The following EPHB1 variants were observed in gnomAD, a reference collection of about 807,000 sequenced individuals.
The protein encoded by EPHB1 is EPH receptor B1.
Under a neutral mutation model 94.4 loss-of-function variants are expected in EPHB1, and 30 were observed. That is an observed-to-expected ratio of 0.32 (90% confidence interval 0.24 to 0.43). EPHB1 has a LOEUF of 0.43. Ranked by LOEUF, EPHB1 falls within the 20% of genes least tolerant of loss-of-function variation. EPHB1 has a pLI of 1.00. For missense variants in EPHB1, 1,055 were observed against 1,308.3 expected (o/e 0.81, Z 2.99); for synonymous variants, 522 against 489.1 (o/e 1.07, Z -0.89).
intron 1 of EPHB1, among the ~76,000 whole-genome samples, chr3:134,799,946 T>A (rs2035905358): frequency 1.3e-5 from 2 of 152,224 alleles, no homozygotes; most frequent in African/African-American, 4.8e-5. Context: ...CCTCTGGATC[T>A]AGCATGTGTG....
chr3:135,205,021 C>G (rs1942864738), intron 12 of EPHB1, among the ~76,000 whole-genome samples: 1 of 150,340 alleles, frequency 6.7e-6, no homozygotes, highest in South Asian at 2.1e-4. Context: ...TTTTAGATCC[C>G]ACAAATAAGT....
chr3:135,018,374 C>G (rs1399271361), intron 3 of EPHB1, among the ~76,000 whole-genome samples: 8 of 152,144 alleles, frequency 5.3e-5, no homozygotes, highest in South Asian at 2.1e-4. Flanking sequence ...TGATGCTCCT[C>G]CCACCTCCAG....
chr3:135,221,363 C>G (rs1559880352), intron 12 of EPHB1, among the ~76,000 whole-genome samples: 2 of 152,216 alleles, frequency 1.3e-5, no homozygotes, highest in Non-Finnish European at 2.9e-5. Context: ...TAGGCACCAT[C>G]ACTTAAACCT....
chr3:134,855,444 C>G (rs552713360), intron 1 of EPHB1, among the ~76,000 whole-genome samples: 4 of 152,160 alleles, frequency 2.6e-5, no homozygotes, highest in Non-Finnish European at 4.4e-5. Flanking sequence ...CACAGCCACA[C>G]TGGAAGAAAC....
chr3:134,915,915 G>T (rs868647493), intron 1 of EPHB1, among the ~76,000 whole-genome samples: 1 of 152,220 alleles, frequency 6.6e-6, no homozygotes, highest in East Asian at 1.9e-4. Flanking sequence ...GACCCGAATG[G>T]GTTGCCACTG....
chr3:134,838,459 A>G (rs1026021391), intron 1 of EPHB1, among the ~76,000 whole-genome samples: 1 of 152,136 alleles, frequency 6.6e-6, no homozygotes, highest in African/African-American at 2.4e-5. Context: ...CTCTTAGGAC[A>G]TCTCCCAAAT....
At chr3:135,192,166 C>G (rs1200664860) in intron 10 of EPHB1, among the ~76,000 whole-genome samples, 1 of 152,216 alleles carries the variant, frequency 6.6e-6, no homozygotes, top group African/African-American at 2.4e-5. Flanking sequence ...GCCAAAGTAC[C>G]TGAACATGTC....
At chr3:135,001,254 G>A (rs1445573827) in intron 3 of EPHB1, among the ~76,000 whole-genome samples, 1 of 152,150 alleles carries the variant, frequency 6.6e-6, no homozygotes, top group Non-Finnish European at 1.5e-5. Flanking sequence ...GGGAGGAGAG[G>A]AAGAAAAGAA....
chr3:135,128,469 C>G (rs1464849094), intron 4 of EPHB1, among the ~76,000 whole-genome samples: 1 of 152,228 alleles, frequency 6.6e-6, no homozygotes, highest in Non-Finnish European at 1.5e-5. Flanking sequence ...ATATGCCCAT[C>G]TCATCAGGAT....
At position 134,987,071 on chromosome 3, in the gene EPHB1, C is replaced by A. The variant is rs149166099; in HGVS notation, c.805+35019C>A. On this transcript the variant is annotated intron_variant, in intron 3 of 15. Transcript: ENST00000398015. ...CATCAAGATACTTACACAGAGGGAACTTTGACCATGAAATACTGGGCACTC... is the reference window on the plus strand; with the variant it reads ...CATCAAGATACTTACACAGAGGGAAATTTGACCATGAAATACTGGGCACTC... 3.5e-3 allele frequency among the ~76,000 whole-genome samples: 531 copies of A among 152,228 alleles called. 1 individual carries two copies. The highest frequency in any genetic ancestry group is 0.028 in the East Asian group (143 of 5,184).
chr3:135,237,004 T>A (rs1943671367), intron 12 of EPHB1, among the ~76,000 whole-genome samples: 1 of 152,180 alleles, frequency 6.6e-6, no homozygotes, highest in South Asian at 2.1e-4. Context: ...GCTGGCTGGA[T>A]GGTGTTAGGG....
chr3:134,803,206 C>T (rs2035967447), intron 1 of EPHB1, among the ~76,000 whole-genome samples: 1 of 152,186 alleles, frequency 6.6e-6, no homozygotes, highest in Non-Finnish European at 1.5e-5. Context: ...TGAGGCCCTG[C>T]GTCTCTCATC....
chr3:135,243,700 A>G (rs557506613), intron 13 of EPHB1, among the ~76,000 whole-genome samples: 7 of 152,286 alleles, frequency 4.6e-5, no homozygotes, highest in South Asian at 2.1e-4. Context: ...ACAGATGACA[A>G]TTGAAAGGTT....
chr3:135,184,026 T>C (rs531204596), intron 10 of EPHB1, among the ~76,000 whole-genome samples: 1 of 152,204 alleles, frequency 6.6e-6, no homozygotes, highest in South Asian at 2.1e-4. Flanking sequence ...AGGTTTTGTT[T>C]AGATGTTACA....
At chr3:135,149,424 T>C (rs1186635185) in intron 5 of EPHB1, among the ~76,000 whole-genome samples, 1 of 152,246 alleles carries the variant, frequency 6.6e-6, no homozygotes, top group Admixed American at 6.5e-5. Flanking sequence ...AAGGGGATAC[T>C]TCTTTGAATT....
chr3:135,237,015 A>G (rs1943671886), intron 12 of EPHB1, among the ~76,000 whole-genome samples: 1 of 152,134 alleles, frequency 6.6e-6, no homozygotes, highest in African/African-American at 2.4e-5. Context: ...GGTGTTAGGG[A>G]CATCCATTGC....
At chr3:134,851,912 C>G (rs1276219797) in intron 1 of EPHB1, among the ~76,000 whole-genome samples, 1 of 152,144 alleles carries the variant, frequency 6.6e-6, no homozygotes, top group Non-Finnish European at 1.5e-5. Flanking sequence ...GCCCTGGAGG[C>G]CTGGTGTGCT....
At chr3:135,004,399 C>T (rs1935308366) in intron 3 of EPHB1, among the ~76,000 whole-genome samples, 1 of 151,942 alleles carries the variant, frequency 6.6e-6, no homozygotes, top group South Asian at 2.1e-4. Context: ...ACATTTTTTC[C>T]TTCATTTCAA....
chr3:134,862,754 A>G (rs1163473781), intron 1 of EPHB1, among the ~76,000 whole-genome samples: 4 of 152,100 alleles, frequency 2.6e-5, no homozygotes, highest in African/African-American at 7.2e-5. Context: ...GGGCCCTGGA[A>G]ACAAGACATC....
Sources: allele counts gnomAD v4.1 joint callset (sites outside exome capture counted in the v4.1 genomes callset), GRCh38; gene constraint gnomAD v4.1.1; transcripts MANE v1.5; gene names NCBI Gene and HGNC (gene_info 2026-07-23, HGNC 2026-07-21).